Variants in GLIPR1L2 observed in about 807,000 individuals in gnomAD.
The protein encoded by GLIPR1L2 is GLIPR1 like 2, also known as GLIPR1-like protein 2.
A neutral mutation model predicts 28.4 loss-of-function variants in GLIPR1L2; 21 were observed. The observed-to-expected ratio is 0.74, with a 90% CI of 0.52 to 1.06. The LOEUF is 1.06. GLIPR1L2 is among the 50% of genes least tolerant of loss of function. The probability of loss-of-function intolerance (pLI) is 0.00; values close to 1 mark genes in which losing one functional copy is unlikely to be tolerated. For synonymous variants in GLIPR1L2, 145 were observed against 139.3 expected, an observed-to-expected ratio of 1.04 and a Z score of -0.29; for missense variants, 476 against 416.9, an observed-to-expected ratio of 1.14 and a Z score of -1.23.
chr12:75,417,455 G>A (rs1040165192), intron 3 of GLIPR1L2, among the ~76,000 whole-genome samples: 7 of 152,120 alleles, frequency 4.6e-5, no homozygotes, highest in Non-Finnish European at 7.4e-5. Context: ...TTTAGCCACC[G>A]AATTTGTGGT....
chr12:75,394,985 T>G (rs1275378406), intron 1 of GLIPR1L2, among the ~76,000 whole-genome samples: 1 of 151,976 alleles, frequency 6.6e-6, no homozygotes, highest in Non-Finnish European at 1.5e-5. Flanking sequence ...CTAAATATTT[T>G]ATTCTTTTTG....
chr12:75,401,852 G>A (rs1311821577), intron 1 of GLIPR1L2, among the ~76,000 whole-genome samples: 1 of 151,990 alleles, frequency 6.6e-6, no homozygotes, highest in East Asian at 1.9e-4. Context: ...GCAATTAGCT[G>A]TAAATGTCAT....
chr12:75,428,786 A>T (rs1348480660), intron 4 of GLIPR1L2, among the ~76,000 whole-genome samples: 1 of 152,224 alleles, frequency 6.6e-6, no homozygotes, highest in Admixed American at 6.5e-5. Context: ...GCTGTGGCTC[A>T]AAGGGGCCAA....
intron 1 of GLIPR1L2, among the ~76,000 whole-genome samples, chr12:75,405,524 G>A (rs886090960): frequency 6.6e-6 from 1 of 152,128 alleles, no homozygotes; most frequent in Non-Finnish European, 1.5e-5. Context: ...GGTCAGCTGA[G>A]TAATTGATCA....
At position 75,425,537 on chromosome 12, in the gene GLIPR1L2, G is replaced by C. The variant is rs568366555; in HGVS notation, c.670+2548G>C. 1.1e-4 allele frequency among the ~76,000 whole-genome samples: 16 copies of C among 152,248 alleles called. No homozygotes were observed. In the South Asian group the frequency reaches 3.3e-3, roughly 32 times the overall value. On this transcript the variant is annotated intron_variant, in intron 4 of 5. Transcript: ENST00000550916. ...TTCAAAGTCTGAGCACGGTGGGAGG[G>C]TGTCCCAGCACAGGGCCAGCCCCTA...
At chr12:75,419,799 A>G (rs1232753716) in intron 3 of GLIPR1L2, among the ~76,000 whole-genome samples, 1 of 152,224 alleles carries the variant, frequency 6.6e-6, no homozygotes, top group Non-Finnish European at 1.5e-5. Flanking sequence ...TACAGGGATA[A>G]TTTGAGACAG....
intron 1 of GLIPR1L2, among the ~76,000 whole-genome samples, chr12:75,399,842 T>C (rs1245305184): frequency 6.6e-6 from 1 of 152,238 alleles, no homozygotes; most frequent in Non-Finnish European, 1.5e-5. Context: ...ATATAGTCCT[T>C]GTAGAGAAGA....
At chr12:75,402,453 A>C (rs544594647) in intron 1 of GLIPR1L2, among the ~76,000 whole-genome samples, 1 of 152,354 alleles carries the variant, frequency 6.6e-6, no homozygotes, top group South Asian at 2.1e-4. Context: ...AAGGAGAAAA[A>C]GGGAAAAAAA....
intron 3 of GLIPR1L2, among the ~76,000 whole-genome samples, chr12:75,415,727 CTCT>C (rs1043551379): frequency 6.6e-6 from 1 of 152,086 alleles, no homozygotes; most frequent in Non-Finnish European, 1.5e-5. Flanking sequence ...CATGTGTTGT[CTCT>C]TCTTCTGGAG....
chr12:75,424,904 A>G (rs4882623), intron 4 of GLIPR1L2, among the ~76,000 whole-genome samples: 79,265 of 151,450 alleles, frequency 0.52, 20,840 homozygotes, highest in East Asian at 0.58. Flanking sequence ...AAGTCATTGG[A>G]CAGGTCAGGG....
At chr12:75,408,296 T>G (rs907212721) in intron 1 of GLIPR1L2, among the ~76,000 whole-genome samples, 3 of 152,002 alleles carry the variant, frequency 2.0e-5, no homozygotes, top group Non-Finnish European at 4.4e-5. Flanking sequence ...AGAAGTAAAA[T>G]GCTTATAAAC....
intron 4 of GLIPR1L2, chr12:75,423,284 A>T (rs981442762): frequency 9.2e-6 from 11 of 1,199,488 alleles, no homozygotes; most frequent in Non-Finnish European, 9.3e-6. Flanking sequence ...TTATGCCCAA[A>T]CAGCAGCCTG....
chr12:75,423,719 G>T (rs1452408721), intron 4 of GLIPR1L2: 1 of 153,980 alleles, frequency 6.5e-6, no homozygotes, highest in Non-Finnish European at 1.4e-5. Flanking sequence ...TCCTCCCCTA[G>T]CCCTGACCCC....
At chr12:75,400,919 A>ATG (rs2045733977) in intron 1 of GLIPR1L2, among the ~76,000 whole-genome samples, 1 of 151,554 alleles carries the variant, frequency 6.6e-6, no homozygotes, top group Non-Finnish European at 1.5e-5. Flanking sequence ...GCATAATTTT[A>ATG]TATATATATA....
intron 1 of GLIPR1L2, among the ~76,000 whole-genome samples, chr12:75,406,395 T>C (rs2045800422): frequency 6.6e-6 from 1 of 152,138 alleles, no homozygotes; most frequent in African/African-American, 2.4e-5. Context: ...TTTACTTTGT[T>C]TTTTTAAAAA....
chr12:75,392,441 G>A (rs938654705), intron 1 of GLIPR1L2, among the ~76,000 whole-genome samples: 3 of 152,128 alleles, frequency 2.0e-5, no homozygotes, highest in East Asian at 1.9e-4. Context: ...TTCTTTCTTC[G>A]TCATTTCCTT....
At chr12:75,392,176 T>A (rs1225988810) in intron 1 of GLIPR1L2, among the ~76,000 whole-genome samples, 1 of 152,216 alleles carries the variant, frequency 6.6e-6, no homozygotes, top group Non-Finnish European at 1.5e-5. Flanking sequence ...TTTTCTTCCT[T>A]CAGCATTAGT....
chr12:75,427,680 TC>T (rs1322436008), intron 4 of GLIPR1L2, among the ~76,000 whole-genome samples: 7 of 152,166 alleles, frequency 4.6e-5, no homozygotes, highest in Non-Finnish European at 1.0e-4. Flanking sequence ...TGAATTGTAA[TC>T]CCCACATGTT....
rs1594011689 is a variant in GLIPR1L2 at position 75,408,403 on chromosome 12, G to T, written c.235-2031G>T. On this transcript the variant is annotated intron_variant, in intron 1 of 5. Transcript: ENST00000550916. The stretch of plus-strand genomic sequence containing the variant: ...TACATTTAAACTACTTAACCTCTTT[G>T]TGTTTTAGTTACTTCCTCTGGGAAA... Among the ~76,000 whole-genome samples, 3 of 150,262 alleles carry T rather than the reference G, an allele frequency of 2.0e-5. No individual in the cohort carries two copies. The Admixed American group carries it at 2.0e-4, about 10-fold the overall frequency.
Sources: allele counts gnomAD v4.1 joint callset (sites outside exome capture counted in the v4.1 genomes callset), GRCh38; gene constraint gnomAD v4.1.1; transcripts MANE v1.5; gene names NCBI Gene and HGNC (gene_info 2026-07-23, HGNC 2026-07-21).